Variants in LTBP3 observed in about 807,000 individuals in gnomAD.
LTBP3 encodes the protein latent-transforming growth factor beta-binding protein 3.
A neutral mutation model predicts 159.7 loss-of-function variants in LTBP3; 97 were observed. The observed-to-expected ratio is 0.61, with a 90% CI of 0.52 to 0.72. The LOEUF is 0.72. Ranked by LOEUF, LTBP3 falls within the 30% of genes least tolerant of loss-of-function variation. LTBP3 has a pLI of 0.00. For synonymous variants in LTBP3, 824 were observed against 777.1 expected (o/e 1.06, Z -1.00); for missense variants, 1,584 against 1,864.3 (o/e 0.85, Z 2.77).
chr11:65,539,358 G>A lies in LTBP3; in HGVS notation c.3730C>T (p.Gln1244Ter), dbSNP rs1855951777. ...GAVCECPGGF[Q>*]LDASRARCVD... ...CAGCGGGCGCGGGAGGCGTCGAGCTGGAAGCCGCCGGGACACTCGCACACG... is the reference window on the plus strand; with the variant it reads ...CAGCGGGCGCGGGAGGCGTCGAGCTAGAAGCCGCCGGGACACTCGCACACG... The change falls in exon 27 of 28, where the codon CAG becomes TAG. Residue 1244 changes from glutamine (Q) to a stop codon, truncating the protein, a stop_gained. Transcript: ENST00000301873. LOFTEE classifies it high-confidence loss of function. 1.3e-6 allele frequency: 2 copies of A among 1,534,978 alleles called. No individual in the cohort carries two copies. Among genetic ancestry groups the A allele is most frequent in the Non-Finnish European group, 1.8e-6 (2 of 1,139,050 alleles).
chr11:65,551,824 G>C, intron 8 of LTBP3, 148 bp downstream of exon 8: 1 of 1,027,322 alleles, frequency 9.7e-7, no homozygotes, highest in Non-Finnish European at 1.5e-6. Flanking sequence ...CTGGGTCAGG[G>C]GTCAGAGGGT....
Position 65,547,471 on chromosome 11 carries a change from C to T in LTBP3, c.2075G>A (p.Arg692Gln). The T allele has an allele frequency of 6.2e-7, 1 of 1,614,042 alleles. No homozygotes were observed. The highest frequency in any genetic ancestry group is 8.5e-7 in the Non-Finnish European group (1 of 1,180,002). The change falls in exon 14 of 28, where the codon CGG becomes CAG. Residue 692 changes from arginine (R) to glutamine (Q), a missense_variant. By Grantham distance (43) the Arg-to-Gln change is conservative. Coordinates refer to ENST00000301873, the MANE Select transcript of LTBP3 (RefSeq NM_001130144.3). This position sits in a 1 kb window ranked among gnomAD's most constrained non-coding sequence, Gnocchi z 4.6. ...HYKCNCYPGY[R>Q]LKASRPPVCE... ...CACAGGAGGCCGGGAGGCTTTGAGC[C>T]GGTAGCCGGGGTAGCAGTTGCACTT...
At chr11:65,545,760 G>A (rs1856336447) in intron 16 of LTBP3, 1 of 202,100 alleles carries the variant, frequency 4.9e-6, no homozygotes, top group Non-Finnish European at 1.0e-5. Flanking sequence ...AAATGCTGCA[G>A]GTGCCCTCTA....
chr11:65,546,640 C>T lies in LTBP3; in HGVS notation c.2231-76G>A, dbSNP rs564827080. 1.3e-6 allele frequency: 2 copies of T among 1,589,588 alleles called. No homozygotes were observed. The highest frequency in any genetic ancestry group is 2.2e-5 in the South Asian group (2 of 89,886). On this transcript the variant is annotated intron_variant, in intron 15 of 27. Transcript: ENST00000301873. This position sits in a 1 kb window ranked among gnomAD's most constrained non-coding sequence, Gnocchi z 4.0. ...GCGCACCTCGCGGGGGTGTGGGTCT[C>T]TTCCCTGGAACGCGGGGTTGAGAGG...
Position 65,548,005 on chromosome 11 carries a change from G to C in LTBP3, c.1761C>G (p.His587Gln). Residue 587 changes from histidine (H) to glutamine (Q), a missense_variant, in exon 12 of 28, where the codon CAC (histidine) becomes CAG (glutamine). His to Gln is a conservative substitution (Grantham distance 24). Around this residue, in one of 6 missense-constraint regions of LTBP3, gnomAD observed 565 missense variants for 677.7 expected, o/e 0.83. Transcript: ENST00000301873. ...CAGGGGGGCCCGGCACGCACTCTCC[G>C]TGGCCACAGATGTTCTGGTTCAGTC... ...ECRLNQNICG[H>Q]GECVPGPPDY... The C allele has an allele frequency of 6.2e-7, 1 of 1,613,884 alleles. No homozygotes were observed.
In LTBP3 at chr11:65,539,673, C is replaced by T. The variant is rs536307181; in HGVS notation, c.3548-45G>A. On this transcript the variant is annotated intron_variant, in intron 25 of 27. Coordinates refer to ENST00000301873, the MANE Select transcript of LTBP3 (RefSeq NM_001130144.3). ...TCAGCGACGTCCGGGTCCCCGGGCC[C>T]TGGCCCCCATCCTCGCTCCCGGCCA... 5.3e-5 allele frequency: 84 copies of T among 1,584,632 alleles called. No individual in the cohort carries two copies. The East Asian group carries it at 1.8e-3, about 34-fold the overall frequency.
In LTBP3 at chr11:65,552,060, G is replaced by GA; in HGVS notation, c.1442dup (p.Leu482ProfsTer4). 6.2e-7 allele frequency: 1 copy of GA among 1,614,104 alleles called. No homozygotes were observed. Among genetic ancestry groups the GA allele is most frequent in the Non-Finnish European group, 8.5e-7 (1 of 1,179,992 alleles). ...GCTTGGGTGGCCCGTCAGGGTGCAGGAAAAGGGAAAAGTCACTCTCGCCCT... is the reference window on the plus strand; with the variant it reads ...GCTTGGGTGGCCCGTCAGGGTGCAGGAAAAAGGGAAAAGTCACTCTCGCCCT... On this transcript the variant is annotated frameshift_variant, in exon 8 of 28. Transcript: ENST00000301873. LOFTEE classifies it high-confidence loss of function. The surrounding 1 kb of genome is among the most constrained non-coding windows in gnomAD (Gnocchi z 6.0).
In LTBP3 at chr11:65,540,388, G is replaced by A. The variant is rs375252188; in HGVS notation, c.3107-6C>T. 4 of 1,602,350 alleles carry A rather than the reference G, an allele frequency of 2.5e-6. No individual in the cohort carries two copies. In the East Asian group the frequency reaches 6.8e-5, roughly 27 times the overall value. ...GTCCAGGCACTCGTCCACGTCTGCA[G>A]GGAGGAAAAGCGTGGGTAGCAGGGG... is the stretch of plus-strand genomic sequence containing the variant. On this transcript the variant is annotated splice_polypyrimidine_tract_variant and splice_region_variant and intron_variant, in intron 22 of 27. Transcript: ENST00000301873.
chr11:65,542,943 T>TAGAA (rs1381846083), intron 18 of LTBP3, 162 bp downstream of exon 18: 19 of 812,894 alleles, frequency 2.3e-5, no homozygotes, highest in Non-Finnish European at 3.2e-5. Context: ...GATGGATGGA[T>TAGAA]GGATGGATGG....
In LTBP3 at chr11:65,553,321, G is replaced by C; in HGVS notation, c.971-65C>G. 1 of 1,290,352 alleles carries C rather than the reference G, an allele frequency of 7.7e-7. No individual in the cohort carries two copies. Among genetic ancestry groups the C allele is most frequent in the Non-Finnish European group, 1.1e-6 (1 of 928,162 alleles). The allele number at this position is 1,290,352 out of a possible 1,614,324, so 79.9% of individuals were successfully genotyped here. A position where few individuals can be genotyped will look rare whatever the true frequency, so the allele number is the denominator to read the frequency against. On this transcript the variant is annotated intron_variant, in intron 4 of 27. Transcript: ENST00000301873. The surrounding 1 kb of genome is among the most constrained non-coding windows in gnomAD (Gnocchi z 6.5). ...GGAACTGGGGAGGGGCACAGCAGAT[G>C]TAGAGAGGAATCTGGTGACCTGGGG...
chr11:65,546,710 C>G lies in LTBP3; in HGVS notation c.2230+88G>C. The G allele has an allele frequency of 1.3e-6, 2 of 1,530,066 alleles. No homozygotes were observed. Among genetic ancestry groups the G allele is most frequent in the Non-Finnish European group, 8.8e-7 (1 of 1,139,698 alleles). The allele number at this position is 1,530,066 out of a possible 1,614,324, so 94.8% of individuals were successfully genotyped here. On this transcript the variant is annotated intron_variant, in intron 15 of 27. Coordinates refer to ENST00000301873, the MANE Select transcript of LTBP3 (RefSeq NM_001130144.3). The surrounding 1 kb of genome is among the most constrained non-coding windows in gnomAD (Gnocchi z 4.0). The stretch of plus-strand genomic sequence containing the variant: ...GGCCCCGCCCCCAGACGCCAATCAC[C>G]ACCGCTACCCCGCCCCGCCCCCAGC...
rs2135119730 is a variant in LTBP3, at chr11:65,540,032, C to A, written c.3366G>T (p.Gln1122His). The change falls in exon 24 of 28, where the codon CAG becomes CAT. Residue 1122 changes from glutamine to histidine, a missense_variant. Gln to His is a conservative substitution (Grantham distance 24). Around this residue, in one of 6 missense-constraint regions of LTBP3, gnomAD observed 514 missense variants for 530.3 expected, o/e 0.97. Coordinates refer to ENST00000301873, the MANE Select transcript of LTBP3 (RefSeq NM_001130144.3). ...WVPGPSGRDC[Q>H]LPESPAERAP... ...CCTCACCGGCCGGGCTCTCGGGGAG[C>A]TGGCAATCGCGGCCGGAGGGCCCGG... 1 of 1,513,102 alleles carries A rather than the reference C, an allele frequency of 6.6e-7. No homozygotes were observed. Among genetic ancestry groups the A allele is most frequent in the South Asian group, 1.2e-5 (1 of 81,820 alleles). 93.7% of individuals were successfully genotyped at this position (1,513,102 alleles called of 1,614,324 possible). A position where few individuals can be genotyped will look rare whatever the true frequency, so the allele number is the denominator to read the frequency against.
At chr11:65,556,851 C>A (rs751086753) in intron 1 of LTBP3, among the ~76,000 whole-genome samples, 1 of 152,078 alleles carries the variant, frequency 6.6e-6, no homozygotes, top group Non-Finnish European at 1.5e-5. Context: ...GACACCTCCC[C>A]GAGCCTGGCC....
chr11:65,539,185 C>A lies in LTBP3; in HGVS notation c.3807G>T (p.Lys1269Asn). The A allele has an allele frequency of 1.3e-6, 2 of 1,521,260 alleles. No individual in the cohort carries two copies. The highest frequency in any genetic ancestry group is 8.8e-7 in the Non-Finnish European group (1 of 1,130,752). 94.2% of individuals were successfully genotyped at this position (1,521,260 alleles called of 1,614,324 possible). The change falls in exon 28 of 28, where the codon AAG (lysine) becomes AAT (asparagine). Residue 1269 changes from lysine to asparagine, a missense_variant. Physicochemically the swap from Lys to Asn is moderately conservative, Grantham distance 94 (BLOSUM62 0). Coordinates refer to ENST00000301873, the MANE Select transcript of LTBP3 (RefSeq NM_001130144.3). ...RELNQRGLLC[K>N]SERCVNTSGS... The stretch of plus-strand genomic sequence containing the variant: ...CGCTGGTGTTCACGCAGCGCTCGCT[C>A]TTGCACAGCAGCCCGCGCTGGTTCA...
chr11:65,546,335 G>T lies in LTBP3; in HGVS notation c.2353+107C>A. 7.6e-7 allele frequency: 1 copy of T among 1,322,840 alleles called. No homozygotes were observed. Among genetic ancestry groups the T allele is most frequent in the Non-Finnish European group, 1.0e-6 (1 of 1,001,298 alleles). The allele number at this position is 1,322,840 out of a possible 1,614,324, so 81.9% of individuals were successfully genotyped here. A position where few individuals can be genotyped will look rare whatever the true frequency, so the allele number is the denominator to read the frequency against. Reference sequence around the variant, plus strand: ...AAATGAGTGAGCAGAGTCACCTGGGGATGAATGAGCCACCTTCCACCCACT... The same window carrying T: ...AAATGAGTGAGCAGAGTCACCTGGGTATGAATGAGCCACCTTCCACCCACT... On this transcript the variant is annotated intron_variant, in intron 16 of 27. Coordinates refer to ENST00000301873, the MANE Select transcript of LTBP3 (RefSeq NM_001130144.3). The surrounding 1 kb of genome is among the most constrained non-coding windows in gnomAD (Gnocchi z 4.0).
In LTBP3 at chr11:65,540,875, G is replaced by A. The variant is rs1332685544; in HGVS notation, c.2973C>T (p.His991=). The change falls in exon 21 of 28, where the codon CAC becomes CAT. Residue 991 remains histidine (H), a synonymous_variant. Transcript: ENST00000301873. ...GCGGAGCCGCAGGGCGCTTACCACGGTGGGCTGGGATGCCGTAGTTGACGA... is the reference window on the plus strand; with the variant it reads ...GCGGAGCCGCAGGGCGCTTACCACGATGGGCTGGGATGCCGTAGTTGACGA... ...NNIVNYGIPA[H]RDIDECMLFG... The A allele has an allele frequency of 1.9e-6, 3 of 1,611,696 alleles. No homozygotes were observed. Among genetic ancestry groups the A allele is most frequent in the Non-Finnish European group, 2.5e-6 (3 of 1,179,132 alleles).
At chr11:65,551,863 GA>G (rs1202528143) in intron 8 of LTBP3, 108 bp downstream of exon 8, 1 of 1,298,500 alleles carries the variant, frequency 7.7e-7, no homozygotes, top group African/African-American at 1.5e-5. Context: ...ATGGGTCAGG[GA>G]TAAGGAATTG....
chr11:65,545,408 A>T lies in LTBP3; in HGVS notation c.2353+1034T>A, dbSNP rs139588536. On this transcript the variant is annotated intron_variant, in intron 16 of 27. Coordinates refer to ENST00000301873, the MANE Select transcript of LTBP3 (RefSeq NM_001130144.3). ...TGGCATCTCCTGCTGAGAGGCTCAC[A>T]GGCACAATCCATTCAATTTGTCCAA... 1.4e-4 allele frequency: 32 copies of T among 229,216 alleles called. No individual in the cohort carries two copies. The East Asian group carries it at 2.0e-3, about 14-fold the overall frequency. The allele number at this position is 229,216 out of a possible 1,614,324, so 14.2% of individuals were successfully genotyped here.
rs759123551 is a variant in LTBP3 at position 65,540,350 on chromosome 11, G to A, written c.3139C>T (p.Arg1047Trp). The change falls in exon 23 of 28, where the codon CGG becomes TGG. Residue 1047 changes from arginine (R) to tryptophan (W), a missense_variant. Arg to Trp is a moderately radical substitution (Grantham distance 101). Coordinates refer to ENST00000301873, the MANE Select transcript of LTBP3 (RefSeq NM_001130144.3). ...VDECLDESNC[R>W]NGVCENTRGG... ...CGCGTGTTCTCACACACTCCGTTCC[G>A]GCAGTTGGACTCGTCCAGGCACTCG... 6 of 1,589,326 alleles carry A rather than the reference G, an allele frequency of 3.8e-6. No individual in the cohort carries two copies. Among genetic ancestry groups the A allele is most frequent in the East Asian group, 2.3e-5 (1 of 44,056 alleles).
Sources: gnomAD v4.1 joint callset for allele counts (sites outside exome capture counted in the v4.1 genomes callset) on GRCh38, gnomAD v4.1.1 for gene constraint, gnomAD v4.1.1 regional missense constraint, Gnocchi (gnomAD v3.1) non-coding constraint, MANE v1.5 for transcripts, NCBI Gene and HGNC (gene_info 2026-07-23, HGNC 2026-07-21) for gene names.